The following KCNIP4 variants were observed in gnomAD, a reference collection of about 807,000 sequenced individuals.
KCNIP4 encodes Kv channel-interacting protein 4.
A neutral mutation model predicts 34.0 loss-of-function variants in KCNIP4; 12 were observed. The observed-to-expected ratio is 0.35, with a 90% CI of 0.23 to 0.57. The LOEUF is 0.57. Ranked by LOEUF, KCNIP4 falls within the 20% of genes least tolerant of loss-of-function variation. The pLI, the probability that KCNIP4 is intolerant of heterozygous loss-of-function variation, is 0.83. For missense variants in KCNIP4, 238 were observed against 311.7 expected, an observed-to-expected ratio of 0.76 and a Z score of 1.78; for synonymous variants, 124 against 102.2, an observed-to-expected ratio of 1.21 and a Z score of -1.29.
chr4:21,724,128 G>T (rs1029428655), intron 1 of KCNIP4, among the ~76,000 whole-genome samples: 1 of 152,028 alleles, frequency 6.6e-6, no homozygotes, highest in African/African-American at 2.4e-5. Flanking sequence ...TGCAGATTTG[G>T]ATTTGTACAT....
chr4:20,787,338 A>T (rs1406517765), intron 3 of KCNIP4, among the ~76,000 whole-genome samples: 1 of 152,184 alleles, frequency 6.6e-6, no homozygotes, highest in Non-Finnish European at 1.5e-5. Context: ...AGATGAAAAT[A>T]GTTTATTTGA....
chr4:21,836,735 G>A (rs552053598), intron 1 of KCNIP4, among the ~76,000 whole-genome samples: 27 of 152,116 alleles, frequency 1.8e-4, no homozygotes, highest in African/African-American at 6.0e-4. Flanking sequence ...TCCCAGAAGA[G>A]CCCAGCAAAT....
intron 1 of KCNIP4, among the ~76,000 whole-genome samples, chr4:20,991,082 TAC>T (rs921678369): frequency 6.6e-6 from 1 of 152,202 alleles, no homozygotes; most frequent in African/African-American, 2.4e-5. Flanking sequence ...TGCCCAAAAC[TAC>T]AGTGTTAGCA....
intron 1 of KCNIP4, among the ~76,000 whole-genome samples, chr4:21,756,835 G>A (rs1447056394): frequency 1.3e-5 from 2 of 151,796 alleles, no homozygotes; most frequent in Admixed American, 6.6e-5. Context: ...AGTGGCTCAC[G>A]CCTGTAATCC....
At chr4:21,159,106 G>T (rs1753386139) in intron 1 of KCNIP4, among the ~76,000 whole-genome samples, 1 of 152,136 alleles carries the variant, frequency 6.6e-6, no homozygotes, top group African/African-American at 2.4e-5. Context: ...TCAACAAGCT[G>T]ATTTGAAATT....
intron 1 of KCNIP4, among the ~76,000 whole-genome samples, chr4:21,771,581 A>C (rs1248638589): frequency 6.6e-6 from 1 of 152,082 alleles, no homozygotes; most frequent in Non-Finnish European, 1.5e-5. Flanking sequence ...ATGAGGATGG[A>C]ATGTTTTCCC....
At position 21,209,597 on chromosome 4, in the gene KCNIP4, C is replaced by CTCTATCTATCTA. The variant is rs547084193; in HGVS notation, c.62-326900_62-326889dup. On this transcript the variant is annotated intron_variant, in intron 1 of 8. Transcript: ENST00000382152. ...TCTTTTATTATTCTCTAGGTCATAT[C>CTCTATCTATCTA]TCTATCTATCTATCTATCTATTTAT... Among the ~76,000 whole-genome samples the CTCTATCTATCTA allele has an allele frequency of 2.2e-3, 327 of 152,006 alleles. 1 individual carries two copies. Among genetic ancestry groups the CTCTATCTATCTA allele is most frequent in the African/African-American group, 7.6e-3 (313 of 41,416 alleles).
chr4:21,571,039 T>A (rs372671343), intron 1 of KCNIP4, among the ~76,000 whole-genome samples: 23 of 152,294 alleles, frequency 1.5e-4, no homozygotes, highest in African/African-American at 5.5e-4. Context: ...ACATCTAGAC[T>A]CACATCTCCT....
intron 1 of KCNIP4, among the ~76,000 whole-genome samples, chr4:21,536,107 A>G (rs1737144119): frequency 6.6e-6 from 1 of 152,136 alleles, no homozygotes; most frequent in African/African-American, 2.4e-5. Flanking sequence ...AAGAGACAGG[A>G]AGGTTCAGCT....
At chr4:21,785,591 C>CAATAAATAAATAAATAAATA (rs60265932) in intron 1 of KCNIP4, among the ~76,000 whole-genome samples, 6 of 146,076 alleles carry the variant, frequency 4.1e-5, no homozygotes, top group African/African-American at 1.6e-4. Flanking sequence ...GATTCCATCT[C>CAATAAATAAATAAATAAATA]AATAAATAAA....
At chr4:21,285,801 A>C (rs955344668) in intron 1 of KCNIP4, among the ~76,000 whole-genome samples, 2 of 152,180 alleles carry the variant, frequency 1.3e-5, no homozygotes, top group African/African-American at 4.8e-5. Flanking sequence ...CGATCATACC[A>C]CTGCACTCCA....
In KCNIP4 at chr4:21,399,288, G is replaced by A. The variant is rs138439948; in HGVS notation, c.62-516579C>T. 5.6e-4 allele frequency among the ~76,000 whole-genome samples: 86 copies of A among 152,302 alleles called. No individual in the cohort carries two copies. The East Asian group carries it at 0.011, about 20-fold the overall frequency. On this transcript the variant is annotated intron_variant, in intron 1 of 8. Coordinates refer to ENST00000382152, the MANE Select transcript of KCNIP4 (RefSeq NM_025221.6). ...AAGAGGGCCAATGAGGCATGAGGCC[G>A]TTTCTTCTGAAGCCACTGGCCAGGA...
intron 1 of KCNIP4, among the ~76,000 whole-genome samples, chr4:21,528,679 GA>G (rs1311341416): frequency 3.6e-4 from 1 of 2,770 alleles, no homozygotes; most frequent in South Asian, 0.019. Flanking sequence ...AAAAAACAAA[GA>G]AAGAAAGAAA....
intron 1 of KCNIP4, among the ~76,000 whole-genome samples, chr4:21,828,155 T>C (rs1334854260): frequency 6.6e-6 from 1 of 151,294 alleles, no homozygotes; most frequent in Non-Finnish European, 1.5e-5. Flanking sequence ...AATAAAAGAC[T>C]ATAAAAGTTG....
At chr4:20,801,754 A>G (rs13130048) in intron 3 of KCNIP4, among the ~76,000 whole-genome samples, 8,122 of 152,212 alleles carry the variant, frequency 0.053, 309 homozygotes, top group East Asian at 0.2. Flanking sequence ...ATGATAGACA[A>G]CAAGAGAGGA....
At chr4:20,912,703 C>A (rs113289322) in intron 1 of KCNIP4, among the ~76,000 whole-genome samples, 4 of 152,138 alleles carry the variant, frequency 2.6e-5, no homozygotes, top group African/African-American at 9.6e-5. Flanking sequence ...GACAAACAAC[C>A]TAATTTTAAA....
chr4:21,896,163 A>G (rs1578121063), intron 1 of KCNIP4, among the ~76,000 whole-genome samples: 4 of 152,294 alleles, frequency 2.6e-5, no homozygotes, highest in South Asian at 4.1e-4. Context: ...TCCATCTTAC[A>G]TATGAAATTT....
At chr4:20,900,999 C>CTT (rs1446035091) in intron 1 of KCNIP4, among the ~76,000 whole-genome samples, 3 of 151,804 alleles carry the variant, frequency 2.0e-5, no homozygotes, top group African/African-American at 7.2e-5. Context: ...CACATGTGCA[C>CTT]AGAACAGAGC....
intron 1 of KCNIP4, among the ~76,000 whole-genome samples, chr4:21,336,915 T>C (rs1314478538): frequency 6.6e-6 from 1 of 152,032 alleles, no homozygotes; most frequent in African/African-American, 2.4e-5. Flanking sequence ...TAGAAGGTAC[T>C]GGGAGAACAC....
Sources: allele counts gnomAD v4.1 joint callset (sites outside exome capture counted in the v4.1 genomes callset), GRCh38; gene constraint gnomAD v4.1.1; transcripts MANE v1.5; gene names NCBI Gene and HGNC (gene_info 2026-07-23, HGNC 2026-07-21).